The following ATF7IP variants were observed in gnomAD, a reference collection of about 807,000 sequenced individuals.
The protein encoded by ATF7IP is activating transcription factor 7 interacting protein.
In ATF7IP, 23 loss-of-function variants were observed where a neutral mutation model predicts 106.4. The ratio of observed to expected loss-of-function variants is 0.22; its 90% CI spans 0.16 to 0.31. The LOEUF is 0.31. Among genes scored for constraint, ATF7IP ranks in the 10% least tolerant of loss-of-function variants. ATF7IP has a pLI of 1.00. For synonymous variants in ATF7IP, 542 were observed against 539.0 expected (o/e 1.01, Z -0.08); for missense variants, 1,334 against 1,524.3 (o/e 0.88, Z 2.08).
chr12:14,372,185 C>T (rs1488471440), intron 1 of ATF7IP, among the ~76,000 whole-genome samples: 2 of 152,038 alleles, frequency 1.3e-5, no homozygotes, highest in Non-Finnish European at 2.9e-5. Flanking sequence ...CTCAGATTGT[C>T]CTGCCATCCA....
At chr12:14,410,331 T>C (rs534522891) in intron 1 of ATF7IP, among the ~76,000 whole-genome samples, 1 of 152,320 alleles carries the variant, frequency 6.6e-6, no homozygotes, top group South Asian at 2.1e-4. Flanking sequence ...CATTCTCTTC[T>C]GTCCTACGTA....
At chr12:14,439,902 G>A (rs1942615131) in intron 5 of ATF7IP, among the ~76,000 whole-genome samples, 1 of 151,070 alleles carries the variant, frequency 6.6e-6, no homozygotes, top group Non-Finnish European at 1.5e-5. Context: ...AACAGTTTTC[G>A]ACACCTATCA....
At chr12:14,416,942 C>A (rs1941239188) in intron 1 of ATF7IP, 3 of 985,150 alleles carry the variant, frequency 3.0e-6, no homozygotes, top group Non-Finnish European at 3.6e-6. Context: ...AGCAAGCTCC[C>A]TCTTGGGTAT....
intron 1 of ATF7IP, among the ~76,000 whole-genome samples, chr12:14,390,866 C>T (rs1194133587): frequency 6.6e-6 from 1 of 152,206 alleles, no homozygotes; most frequent in African/African-American, 2.4e-5. Context: ...AATTTGAATT[C>T]CACATTTCCC....
chr12:14,444,996 T>G (rs909438127), intron 5 of ATF7IP, among the ~76,000 whole-genome samples: 18 of 150,028 alleles, frequency 1.2e-4, no homozygotes, highest in Non-Finnish European at 2.2e-4. Flanking sequence ...CCTAGTTTTT[T>G]TTTTTTTTTT....
At position 14,499,567 on chromosome 12, in the gene ATF7IP, T is replaced by G. The variant is rs1333200743; in HGVS notation, c.*1494T>G. The G allele has an allele frequency of 6.6e-6, 1 of 152,274 alleles. No individual in the cohort carries two copies. The highest frequency in any genetic ancestry group is 1.5e-5 in the Non-Finnish European group (1 of 68,056). 9.4% of individuals were successfully genotyped at this position (152,274 alleles called of 1,614,324 possible). ...GGAAAGCTTCATTTCCTCTTTATTC[T>G]CTTTATCGTCCTTCCCATTTTAACC... On this transcript the variant is annotated 3_prime_UTR_variant, in exon 15 of 15. Coordinates refer to ENST00000261168, the MANE Select transcript of ATF7IP (RefSeq NM_018179.5).
intron 8 of ATF7IP, among the ~76,000 whole-genome samples, chr12:14,460,117 A>C (rs1394207948): frequency 6.6e-6 from 1 of 152,194 alleles, no homozygotes; most frequent in African/African-American, 2.4e-5. Context: ...GTTGTAAGGC[A>C]TTTATAATGT....
At chr12:14,395,933 T>C (rs1045950047) in intron 1 of ATF7IP, among the ~76,000 whole-genome samples, 5 of 151,910 alleles carry the variant, frequency 3.3e-5, no homozygotes, top group Non-Finnish European at 5.9e-5. Flanking sequence ...TCATTTGTTA[T>C]TATTTTTTTC....
chr12:14,424,101 G>A lies in ATF7IP; in HGVS notation c.186G>A (p.Met62Ile), dbSNP rs140946450. Reference protein sequence around the residue: ...DLDPTSPLENMDYIKDKEEVN... With the variant: ...DLDPTSPLENIDYIKDKEEVN... ...ACCCAACCTCACCTTTGGAAAACAT[G>A]GATTACATTAAAGACAAGGAAGAGG... The change falls in exon 2 of 15, where the codon ATG (methionine) becomes ATA (isoleucine). Residue 62 changes from methionine to isoleucine, a missense_variant. Met to Ile is a conservative substitution (Grantham distance 10). Coordinates refer to ENST00000261168, the MANE Select transcript of ATF7IP (RefSeq NM_018179.5). The A allele has an allele frequency of 3.1e-6, 5 of 1,614,056 alleles. No homozygotes were observed. Among genetic ancestry groups the A allele is most frequent in the Non-Finnish European group, 4.2e-6 (5 of 1,180,008 alleles).
rs745910338 is a variant in ATF7IP, at chr12:14,460,599, G to A, written c.2263G>A (p.Ala755Thr). The A allele has an allele frequency of 1.9e-6, 3 of 1,614,102 alleles. No individual in the cohort carries two copies. The South Asian group carries it at 3.3e-5, about 18-fold the overall frequency. Residue 755 changes from alanine to threonine, a missense_variant, in exon 9 of 15, where the codon GCA becomes ACA. Around this residue, in one of 10 missense-constraint regions of ATF7IP, gnomAD observed 171 missense variants for 172.6 expected, o/e 0.99. Transcript: ENST00000261168. ...GSLTATSVLPAPNTATVVATT... is the reference protein window; with the variant it reads ...GSLTATSVLPTPNTATVVATT... ...CCTCACAGCAACGTCAGTTCTTCCT[G>A]CACCCAATACAGCTACTGTAGTTGC...
chr12:14,501,823 G>A lies in ATF7IP; in HGVS notation c.*3750G>A, dbSNP rs1945167132. 6.6e-6 allele frequency: 1 copy of A among 152,190 alleles called. No homozygotes were observed. The highest frequency in any genetic ancestry group is 2.4e-5 in the African/African-American group (1 of 41,438). 9.4% of individuals were successfully genotyped at this position (152,190 alleles called of 1,614,324 possible). A position where few individuals can be genotyped will look rare whatever the true frequency, so the allele number is the denominator to read the frequency against. On this transcript the variant is annotated 3_prime_UTR_variant, in exon 15 of 15. Transcript: ENST00000261168. ...ACAATTCCCTTACTGCACTGGGTAA[G>A]TGTTAACTTAGTTTTTGTTGTTTGC...
intron 8 of ATF7IP, among the ~76,000 whole-genome samples, chr12:14,458,020 C>T (rs1431997604): frequency 6.6e-6 from 1 of 151,538 alleles, no homozygotes; most frequent in Non-Finnish European, 1.5e-5. Flanking sequence ...AGCTTGAACC[C>T]GGGAAGTGGA....
At position 14,496,217 on chromosome 12, in the gene ATF7IP, T is replaced by G. The variant is rs180673388; in HGVS notation, c.3281-14T>G. On this transcript the variant is annotated splice_polypyrimidine_tract_variant and intron_variant, in intron 13 of 14. Coordinates refer to ENST00000261168, the MANE Select transcript of ATF7IP (RefSeq NM_018179.5). The stretch of plus-strand genomic sequence containing the variant: ...ATTATCATTTTATCCTGTAATTTTT[T>G]TGTTTGTTTGTAGGTGTTACAGTTC... The G allele has an allele frequency of 7.2e-4, 1,089 of 1,505,874 alleles. 7 individuals carry two copies. The African/African-American group carries it at 0.013, about 19-fold the overall frequency. 93.3% of individuals were successfully genotyped at this position (1,505,874 alleles called of 1,614,324 possible).
At position 14,460,593 on chromosome 12, in the gene ATF7IP, C is replaced by T; in HGVS notation, c.2257C>T (p.Leu753Phe). 1.9e-6 allele frequency: 3 copies of T among 1,614,176 alleles called. No homozygotes were observed. The highest frequency in any genetic ancestry group is 1.7e-6 in the Non-Finnish European group (2 of 1,180,022). ...GGGTTCCCTCACAGCAACGTCAGTT[C>T]TTCCTGCACCCAATACAGCTACTGT... ...TSGSLTATSV[L>F]PAPNTATVVA... Residue 753 changes from leucine (L) to phenylalanine (F), a missense_variant, in exon 9 of 15, where the codon CTT (leucine) becomes TTT (phenylalanine). Physicochemically the swap from Leu to Phe is conservative, Grantham distance 22 (BLOSUM62 0). Coordinates refer to ENST00000261168, the MANE Select transcript of ATF7IP (RefSeq NM_018179.5).
intron 1 of ATF7IP, among the ~76,000 whole-genome samples, chr12:14,389,135 A>G (rs1270701874): frequency 6.6e-6 from 1 of 152,230 alleles, no homozygotes; most frequent in Non-Finnish European, 1.5e-5. Context: ...CTCGAGTGTC[A>G]TATACCTTTT....
chr12:14,479,557 G>T (rs1451360578), intron 12 of ATF7IP, among the ~76,000 whole-genome samples: 1 of 152,136 alleles, frequency 6.6e-6, no homozygotes, highest in Non-Finnish European at 1.5e-5. Context: ...CAGATATCTT[G>T]TAGGAATCAG....
intron 6 of ATF7IP, among the ~76,000 whole-genome samples, chr12:14,447,875 T>G (rs1028745862): frequency 2.0e-5 from 3 of 152,208 alleles, no homozygotes; most frequent in African/African-American, 7.2e-5. Context: ...AGTATACAAT[T>G]AAGTCCAAAC....
chr12:14,399,593 C>T (rs190059852), intron 1 of ATF7IP, among the ~76,000 whole-genome samples: 265 of 150,742 alleles, frequency 1.8e-3, no homozygotes, highest in Middle Eastern at 0.017. Context: ...TTTTAATTTT[C>T]TTATTTTTTC....
intron 8 of ATF7IP, among the ~76,000 whole-genome samples, chr12:14,459,565 G>C (rs1398605454): frequency 6.6e-6 from 1 of 152,040 alleles, no homozygotes; most frequent in Non-Finnish European, 1.5e-5. Flanking sequence ...TTGCTCCATT[G>C]GTGCTAATGT....
Sources: gnomAD v4.1 joint callset for allele counts (sites outside exome capture counted in the v4.1 genomes callset) on GRCh38, gnomAD v4.1.1 for gene constraint, gnomAD v4.1.1 regional missense constraint, MANE v1.5 for transcripts, NCBI Gene and HGNC (gene_info 2026-07-23, HGNC 2026-07-21) for gene names.